The following SSBP2 variants were observed in gnomAD, a reference collection of about 807,000 sequenced individuals.
The protein encoded by SSBP2 is single-stranded DNA-binding protein 2.
SSBP2 carries 17 observed loss-of-function variants against 61.8 expected under a neutral mutation model. The ratio of observed to expected loss-of-function variants is 0.28; its 90% CI spans 0.19 to 0.41. The LOEUF is 0.41. Among genes scored for constraint, SSBP2 ranks in the 10% least tolerant of loss-of-function variants. The pLI is 1.00. For missense variants in SSBP2, 310 were observed against 458.7 expected (o/e 0.68, Z 2.96); for synonymous variants, 139 against 141.3 (o/e 0.98, Z 0.12).
intron 4 of SSBP2, among the ~76,000 whole-genome samples, chr5:81,536,310 A>C (rs1227496881): frequency 6.6e-6 from 1 of 152,136 alleles, no homozygotes; most frequent in Non-Finnish European, 1.5e-5. Context: ...AAAATCTGGT[A>C]ACTTCTTTTT....
chr5:81,613,273 T>C (rs1292020837), intron 4 of SSBP2, among the ~76,000 whole-genome samples: 1 of 152,184 alleles, frequency 6.6e-6, no homozygotes, highest in Non-Finnish European at 1.5e-5. Flanking sequence ...CTGATTTTTT[T>C]TCTAAACTAT....
intron 1 of SSBP2, among the ~76,000 whole-genome samples, chr5:81,653,016 T>C (rs1217696323): frequency 6.6e-6 from 1 of 151,838 alleles, no homozygotes; most frequent in African/African-American, 2.4e-5. Flanking sequence ...CATAGGTATG[T>C]ATACACATGC....
chr5:81,732,049 C>T (rs1490030533), intron 1 of SSBP2, among the ~76,000 whole-genome samples: 1 of 151,928 alleles, frequency 6.6e-6, no homozygotes, highest in Non-Finnish European at 1.5e-5. Flanking sequence ...TAATATCATC[C>T]ACCTATGTTA....
chr5:81,614,541 CT>C (rs1295652846), intron 4 of SSBP2, among the ~76,000 whole-genome samples: 1 of 151,874 alleles, frequency 6.6e-6, no homozygotes, highest in Non-Finnish European at 1.5e-5. Context: ...TCTTTTTTCC[CT>C]TTTGAGCGCT....
At chr5:81,600,462 T>C (rs1262052715) in intron 4 of SSBP2, among the ~76,000 whole-genome samples, 1 of 148,644 alleles carries the variant, frequency 6.7e-6, no homozygotes, top group Non-Finnish European at 1.5e-5. Flanking sequence ...CCCAGGAGGC[T>C]GAGGCAGAAG....
At chr5:81,702,895 A>G (rs1456372791) in intron 1 of SSBP2, among the ~76,000 whole-genome samples, 1 of 152,206 alleles carries the variant, frequency 6.6e-6, no homozygotes, top group African/African-American at 2.4e-5. Context: ...ACAGTAAAAG[A>G]ACTCTGATTT....
chr5:81,542,821 C>CTCTCTCTT (rs1207209848), intron 4 of SSBP2, among the ~76,000 whole-genome samples: 1 of 123,498 alleles, frequency 8.1e-6, no homozygotes, highest in African/African-American at 3.3e-5. Flanking sequence ...GACAGTTTCT[C>CTCTCTCTT]TCTCTCTCTC....
At chr5:81,683,010 A>G (rs1026003989) in intron 1 of SSBP2, among the ~76,000 whole-genome samples, 1 of 152,168 alleles carries the variant, frequency 6.6e-6, no homozygotes, top group Admixed American at 6.5e-5. Context: ...AAAGACATCA[A>G]AAAAGAAATA....
intron 6 of SSBP2, among the ~76,000 whole-genome samples, chr5:81,476,552 T>A (rs1765607598): frequency 6.6e-6 from 1 of 152,252 alleles, no homozygotes; most frequent in African/African-American, 2.4e-5. Context: ...AGAGAAATGA[T>A]GCTATGCCTT....
At chr5:81,492,926 T>C (rs1416698722) in intron 5 of SSBP2, among the ~76,000 whole-genome samples, 4 of 152,102 alleles carry the variant, frequency 2.6e-5, no homozygotes, top group African/African-American at 9.7e-5. Flanking sequence ...TAGTATAATG[T>C]AGATAGCTAT....
chr5:81,504,689 CACAACTA>C (rs1293713762), intron 5 of SSBP2, among the ~76,000 whole-genome samples: 2 of 152,170 alleles, frequency 1.3e-5, no homozygotes, highest in African/African-American at 4.8e-5. Flanking sequence ...TAGCCCTTAT[CACAACTA>C]ACATATCACA....
intron 6 of SSBP2, among the ~76,000 whole-genome samples, chr5:81,479,441 C>T (rs917447418): frequency 6.6e-6 from 1 of 152,136 alleles, no homozygotes; most frequent in Non-Finnish European, 1.5e-5. Flanking sequence ...CAGGCGTCCA[C>T]TACCTCGCCT....
intron 6 of SSBP2, among the ~76,000 whole-genome samples, chr5:81,480,355 C>T (rs984173561): frequency 6.6e-6 from 1 of 152,078 alleles, no homozygotes; most frequent in African/African-American, 2.4e-5. Flanking sequence ...TTTGGTTTCC[C>T]GTGAATATAT....
chr5:81,585,986 T>A (rs575453099), intron 4 of SSBP2, among the ~76,000 whole-genome samples: 1 of 152,214 alleles, frequency 6.6e-6, no homozygotes, highest in Non-Finnish European at 1.5e-5. Flanking sequence ...CCTTTCTTTT[T>A]AAGGCTGACT....
chr5:81,595,454 C>T (rs879639770), intron 4 of SSBP2, among the ~76,000 whole-genome samples: 14 of 152,134 alleles, frequency 9.2e-5, no homozygotes, highest in Non-Finnish European at 1.5e-4. Flanking sequence ...CTATTCCAAT[C>T]GATAGAAAAA....
intron 4 of SSBP2, among the ~76,000 whole-genome samples, chr5:81,561,253 T>G (rs538368301): frequency 6.6e-6 from 1 of 152,142 alleles, no homozygotes; most frequent in Non-Finnish European, 1.5e-5. Context: ...AGACTGAGAA[T>G]AGAAAAAGAA....
intron 4 of SSBP2, 193 bp downstream of exon 4, chr5:81,615,280 T>A (rs1745898551): frequency 5.1e-6 from 3 of 584,808 alleles, no homozygotes; most frequent in Non-Finnish European, 9.1e-6. Flanking sequence ...CGCTTTATCC[T>A]AAGCTTTAAC....
intron 1 of SSBP2, among the ~76,000 whole-genome samples, chr5:81,675,338 AG>A (rs2153800291): frequency 6.6e-6 from 1 of 152,252 alleles, no homozygotes; most frequent in East Asian, 1.9e-4. Flanking sequence ...TTGGCCAAAG[AG>A]TTGTAGATTG....
intron 8 of SSBP2, among the ~76,000 whole-genome samples, chr5:81,469,274 C>A (rs949836095): frequency 6.6e-6 from 1 of 151,828 alleles, no homozygotes; most frequent in East Asian, 1.9e-4. Flanking sequence ...TATTATCTCC[C>A]TTATAGGCTT....
Sources: gnomAD v4.1 joint callset for allele counts (sites outside exome capture counted in the v4.1 genomes callset) on GRCh38, gnomAD v4.1.1 for gene constraint, MANE v1.5 for transcripts, NCBI Gene and HGNC (gene_info 2026-07-23, HGNC 2026-07-21) for gene names.